Variants in PSD3 observed in about 807,000 individuals in gnomAD.
PSD3 encodes pleckstrin and Sec7 domain containing 3.
In PSD3, 49 loss-of-function variants were observed where a neutral mutation model predicts 105.5. That is an observed-to-expected ratio of 0.46 (90% CI 0.37 to 0.59). The LOEUF is 0.59. Ranked by LOEUF, PSD3 falls within the 20% of genes least tolerant of loss-of-function variation. PSD3 has a pLI of 0.00. For missense variants in PSD3, 1,561 were observed against 1,263.8 expected (o/e 1.24, Z -3.57); for synonymous variants, 557 against 457.8 (o/e 1.22, Z -2.77).
chr8:18,983,409 T>A (rs948331491), intron 1 of PSD3, among the ~76,000 whole-genome samples: 1 of 152,216 alleles, frequency 6.6e-6, no homozygotes, highest in Non-Finnish European at 1.5e-5. Context: ...ATCCACAACT[T>A]GGCTAACTGT....
intron 10 of PSD3, among the ~76,000 whole-genome samples, chr8:18,652,150 G>A (rs1039970189): frequency 1.3e-5 from 2 of 152,150 alleles, no homozygotes; most frequent in Admixed American, 6.5e-5. Context: ...GAGCACACAC[G>A]ACAAGTTTGG....
At chr8:18,676,599 A>G (rs11774205) in intron 9 of PSD3, among the ~76,000 whole-genome samples, 119,495 of 152,148 alleles carry the variant, frequency 0.79, 50,156 homozygotes, top group Non-Finnish European at 0.93. Flanking sequence ...ATGCCGAACA[A>G]TTGATTTACA....
At chr8:18,927,756 C>CTGA (rs1821466733) in intron 2 of PSD3, among the ~76,000 whole-genome samples, 1 of 152,154 alleles carries the variant, frequency 6.6e-6, no homozygotes, top group African/African-American at 2.4e-5. Flanking sequence ...TACCTAGGGG[C>CTGA]TGACAGCCAT....
In PSD3 at chr8:18,676,728, T is replaced by C. The variant is rs147005753; in HGVS notation, c.2173-21043A>G. ...TGTGCTTTGCCCAGCCAAGCCTGTA[T>C]ACTTTAGCCTTGATAACAATATCTG... On this transcript the variant is annotated intron_variant, in intron 9 of 15. Transcript: ENST00000327040. 4.4e-3 allele frequency among the ~76,000 whole-genome samples: 676 copies of C among 152,318 alleles called. 3 individuals are homozygous for C. The highest frequency in any genetic ancestry group is 0.011 in the African/African-American group (448 of 41,584).
chr8:18,641,637 TA>T (rs1159832348), intron 10 of PSD3, among the ~76,000 whole-genome samples: 2 of 152,158 alleles, frequency 1.3e-5, no homozygotes, highest in Non-Finnish European at 2.9e-5. Flanking sequence ...TGGTGTAGCA[TA>T]AAATTGGTAC....
intron 8 of PSD3, among the ~76,000 whole-genome samples, chr8:18,784,896 G>T (rs1309473428): frequency 1.3e-5 from 2 of 152,088 alleles, no homozygotes; most frequent in African/African-American, 4.8e-5. Context: ...AATGGTCAGT[G>T]GTATTAACTA....
chr8:18,958,755 T>C (rs757871335), intron 1 of PSD3, among the ~76,000 whole-genome samples: 14 of 152,210 alleles, frequency 9.2e-5, no homozygotes, highest in Non-Finnish European at 1.3e-4. Flanking sequence ...TGAATGTCAA[T>C]TTATTATTTT....
At chr8:18,730,408 G>A (rs1468520786) in intron 9 of PSD3, 1 of 152,078 alleles carries the variant, frequency 6.6e-6, no homozygotes, top group African/African-American at 2.4e-5. Flanking sequence ...ATCTAGCTTT[G>A]ACTTGTCATT....
At chr8:18,571,340 G>A (rs1011760259) in intron 14 of PSD3, among the ~76,000 whole-genome samples, 4 of 148,652 alleles carry the variant, frequency 2.7e-5, no homozygotes, top group Non-Finnish European at 5.9e-5. Flanking sequence ...TGCATCCAGC[G>A]CTCTCTTCTC....
intron 9 of PSD3, among the ~76,000 whole-genome samples, chr8:18,672,359 C>T (rs951535457): frequency 6.6e-6 from 1 of 151,922 alleles, no homozygotes. Flanking sequence ...AAAAAACAAT[C>T]CCTGGGGGAC....
At chr8:18,582,212 T>C (rs1255857672) in intron 12 of PSD3, among the ~76,000 whole-genome samples, 1 of 152,168 alleles carries the variant, frequency 6.6e-6, no homozygotes, top group Non-Finnish European at 1.5e-5. Context: ...TAGTTGTCTA[T>C]GTCCTCTCTG....
chr8:19,068,204 G>A (rs912389205), intron 1 of PSD3, among the ~76,000 whole-genome samples: 10 of 151,358 alleles, frequency 6.6e-5, no homozygotes, highest in Non-Finnish European at 1.2e-4. Flanking sequence ...AGCGATGGTG[G>A]AATTGACATG....
intron 2 of PSD3, among the ~76,000 whole-genome samples, chr8:18,891,724 C>T (rs1818793349): frequency 6.6e-6 from 1 of 152,016 alleles, no homozygotes; most frequent in African/African-American, 2.4e-5. Flanking sequence ...TCCAAACTGA[C>T]ATTATCTATA....
Position 18,527,337 on chromosome 8 carries a change from G to C in PSD3, c.*8406C>G, listed in dbSNP as rs1799465777. The C allele has an allele frequency of 6.6e-6, 1 of 152,562 alleles. No homozygotes were observed. The highest frequency in any genetic ancestry group is 1.5e-5 in the Non-Finnish European group (1 of 68,010). The allele number at this position is 152,562 out of a possible 1,614,324, so 9.5% of individuals were successfully genotyped here. A position where few individuals can be genotyped will look rare whatever the true frequency, so the allele number is the denominator to read the frequency against. On this transcript the variant is annotated 3_prime_UTR_variant, in exon 16 of 16. Coordinates refer to ENST00000327040, the MANE Select transcript of PSD3 (RefSeq NM_015310.4). ...TTTGTTGGATTTATTTCTTTCTAAA[G>C]TTTGTACATTTACATGTATCATATA...
intron 10 of PSD3, among the ~76,000 whole-genome samples, chr8:18,642,264 T>A (rs890401513): frequency 7.9e-5 from 12 of 152,248 alleles, no homozygotes; most frequent in Non-Finnish European, 1.3e-4. Flanking sequence ...TATTGGAAAA[T>A]TTTTAAGGGG....
intron 10 of PSD3, among the ~76,000 whole-genome samples, chr8:18,655,045 C>T (rs1026196384): frequency 5.3e-5 from 8 of 151,988 alleles, no homozygotes; most frequent in African/African-American, 1.7e-4. Context: ...AATTTAAGGC[C>T]GGGCGTGGTC....
chr8:18,729,638 A>G (rs1045638073), intron 9 of PSD3, among the ~76,000 whole-genome samples: 3 of 152,228 alleles, frequency 2.0e-5, no homozygotes, highest in African/African-American at 4.8e-5. Context: ...GTAATTGTAT[A>G]TCAAGAAAAG....
At chr8:18,875,279 T>C (rs926978538) in intron 2 of PSD3, among the ~76,000 whole-genome samples, 19 of 152,150 alleles carry the variant, frequency 1.2e-4, no homozygotes, top group African/African-American at 2.4e-5. Flanking sequence ...TCTGGGATAG[T>C]ATTTATAACA....
chr8:18,594,323 T>A (rs1226708626), intron 12 of PSD3, among the ~76,000 whole-genome samples: 1 of 79,486 alleles, frequency 1.3e-5, no homozygotes, highest in Non-Finnish European at 2.2e-5. Context: ...TTATATATAA[T>A]ATATATTATA....
Sources: gnomAD v4.1 joint callset for allele counts (sites outside exome capture counted in the v4.1 genomes callset) on GRCh38, gnomAD v4.1.1 for gene constraint, MANE v1.5 for transcripts, NCBI Gene and HGNC (gene_info 2026-07-23, HGNC 2026-07-21) for gene names.